The following RBBP5 variants were observed in gnomAD, a reference collection of about 807,000 sequenced individuals.
RBBP5 encodes the protein RB binding protein 5, histone lysine methyltransferase complex subunit, also known as retinoblastoma-binding protein 5.
A neutral mutation model predicts 72.2 loss-of-function variants in RBBP5; 5 were observed. That is an observed-to-expected ratio of 0.07 (90% CI 0.04 to 0.15). The LOEUF is 0.15. Ranked by LOEUF, RBBP5 falls within the 10% of genes least tolerant of loss-of-function variation. RBBP5 has a pLI of 1.00. For synonymous variants in RBBP5, 209 were observed against 237.2 expected, an observed-to-expected ratio of 0.88 and a Z score of 1.09; for missense variants, 322 against 652.2, an observed-to-expected ratio of 0.49 and a Z score of 5.51.
intron 5 of RBBP5, 28 bp from the exon 6 acceptor site, chr1:205,101,737 GT>G (rs1385041973): frequency 6.7e-7 from 1 of 1,496,436 alleles, no homozygotes; most frequent in Non-Finnish European, 9.3e-7. Flanking sequence ...GGGGAAAAAA[GT>G]AAGTGTTCCA....
intron 12 of RBBP5, 50 bp from the exon 13 acceptor site, chr1:205,095,114 C>A: frequency 6.5e-7 from 1 of 1,537,640 alleles, no homozygotes. Flanking sequence ...CCAGTCTCAT[C>A]ACCCCAACCA....
chr1:205,105,093 G>T lies in RBBP5; in HGVS notation c.294C>A (p.Gly98=). ...NIVSQWDVLS[G]DCDQRFRFPS... ...GGAATCGAAACCTCTGGTCACAGTC[G>T]CCTGAAAGAACATCCCACTGTGACA... is the stretch of plus-strand genomic sequence containing the variant. Residue 98 remains glycine, a synonymous_variant, in exon 4 of 14, where the codon GGC becomes GGA. Coordinates refer to ENST00000264515, the MANE Select transcript of RBBP5 (RefSeq NM_005057.4). 1 of 1,613,900 alleles carries T rather than the reference G, an allele frequency of 6.2e-7. No individual in the cohort carries two copies.
intron 13 of RBBP5, chr1:205,091,448 A>G (rs1030528373): frequency 6.6e-6 from 1 of 152,236 alleles, no homozygotes. Flanking sequence ...ATTCACATAG[A>G]AAAATGTCCA....
At position 205,105,098 on chromosome 1, in the gene RBBP5, A is replaced by G; in HGVS notation, c.289T>C (p.Ser97Pro). The part of the protein sequence containing the change: ...DNIVSQWDVL[S>P]GDCDQRFRFP... ...CGAAACCTCTGGTCACAGTCGCCTG[A>G]AAGAACATCCCACTGTGACACTATG... is the stretch of plus-strand genomic sequence containing the variant. The change falls in exon 4 of 14, where the codon TCA (serine) becomes CCA (proline). Residue 97 changes from serine to proline, a missense_variant. Coordinates refer to ENST00000264515, the MANE Select transcript of RBBP5 (RefSeq NM_005057.4). The G allele has an allele frequency of 6.2e-7, 1 of 1,614,044 alleles. No homozygotes were observed. Among genetic ancestry groups the G allele is most frequent in the African/African-American group, 1.3e-5 (1 of 75,050 alleles).
chr1:205,112,272 C>G (rs1025310670), intron 3 of RBBP5, among the ~76,000 whole-genome samples: 1 of 151,942 alleles, frequency 6.6e-6, no homozygotes, highest in Non-Finnish European at 1.5e-5. Context: ...GAGCCGAGAT[C>G]GCACCACTGC....
chr1:205,107,742 T>TG (rs1015582005), intron 3 of RBBP5, among the ~76,000 whole-genome samples: 5 of 151,840 alleles, frequency 3.3e-5, no homozygotes, highest in Admixed American at 6.6e-5. Flanking sequence ...GGTTGGCAGT[T>TG]GGAGACCAGC....
chr1:205,110,737 T>C (rs1239064938), intron 3 of RBBP5, among the ~76,000 whole-genome samples: 3 of 152,208 alleles, frequency 2.0e-5, no homozygotes, highest in African/African-American at 7.2e-5. Context: ...ATTTTTTACT[T>C]TGCATATTTA....
At chr1:205,109,328 T>C (rs79389422) in intron 3 of RBBP5, among the ~76,000 whole-genome samples, 1 of 152,076 alleles carries the variant, frequency 6.6e-6, no homozygotes, top group East Asian at 1.9e-4. Context: ...ACCCAATTTC[T>C]GAAATTAACA....
intron 12 of RBBP5, 89 bp from the exon 13 acceptor site, chr1:205,095,153 T>C: frequency 8.2e-7 from 1 of 1,217,576 alleles, no homozygotes; most frequent in East Asian, 2.3e-5. Flanking sequence ...AATGTTGCTT[T>C]GTGTCCCAGA....
intron 13 of RBBP5, chr1:205,091,032 AGACAG>A (rs1216888671): frequency 6.6e-6 from 1 of 152,198 alleles, no homozygotes; most frequent in African/African-American, 2.4e-5. Context: ...GCGCAGCCCA[AGACAG>A]GGAAATCTGC....
At chr1:205,108,088 C>T (rs1251288479) in intron 3 of RBBP5, among the ~76,000 whole-genome samples, 1 of 151,602 alleles carries the variant, frequency 6.6e-6, no homozygotes, top group Non-Finnish European at 1.5e-5. Context: ...ACTAAAAATA[C>T]AAAAATTAGC....
At chr1:205,098,604 G>A (rs1655703538) in intron 10 of RBBP5, among the ~76,000 whole-genome samples, 2 of 152,174 alleles carry the variant, frequency 1.3e-5, no homozygotes, top group Admixed American at 1.3e-4. Flanking sequence ...AGCACTTTGG[G>A]AGGCCAAAGT....
intron 1 of RBBP5, chr1:205,116,295 A>G (rs559226540): frequency 2.6e-6 from 1 of 379,546 alleles, no homozygotes; most frequent in African/African-American, 2.1e-5. Flanking sequence ...TTATTTCTAT[A>G]TAATATGCTT....
At chr1:205,115,964 T>G in intron 1 of RBBP5, 81 bp from the exon 2 acceptor site, 2 of 1,612,752 alleles carry the variant, frequency 1.2e-6, no homozygotes, top group Non-Finnish European at 8.5e-7. Context: ...TGTATAGCAG[T>G]GGCTGACAAA....
chr1:205,104,183 A>C (rs529947630), intron 4 of RBBP5, among the ~76,000 whole-genome samples, 164 bp from the exon 5 acceptor site: 2 of 152,232 alleles, frequency 1.3e-5, no homozygotes, highest in Non-Finnish European at 2.9e-5. Context: ...AACAGGGAAA[A>C]TTCTGAGTAA....
At chr1:205,114,479 A>T (rs893908850) in intron 3 of RBBP5, among the ~76,000 whole-genome samples, 3 of 152,238 alleles carry the variant, frequency 2.0e-5, no homozygotes, top group Non-Finnish European at 4.4e-5. Context: ...CTTCTGTCCT[A>T]ACCGAGACTT....
intron 1 of RBBP5, among the ~76,000 whole-genome samples, chr1:205,116,856 A>G (rs776242968): frequency 1.3e-5 from 2 of 152,304 alleles, no homozygotes; most frequent in East Asian, 1.9e-4. Flanking sequence ...GAGTCAATTC[A>G]TATCAGTCAA....
rs1261839067 is a variant in RBBP5 at position 205,087,901 on chromosome 1, T to A, written c.*886A>T. The A allele has an allele frequency of 6.6e-6, 1 of 152,634 alleles. No individual in the cohort carries two copies. Among genetic ancestry groups the A allele is most frequent in the East Asian group, 1.9e-4 (1 of 5,188 alleles). The allele number at this position is 152,634 out of a possible 1,614,324, so 9.5% of individuals were successfully genotyped here. On this transcript the variant is annotated 3_prime_UTR_variant, in exon 14 of 14. Transcript: ENST00000264515. ...TTGATCTTTGATTTGAACTATGTGG[T>A]TGCTGCTTTGATTCTGGATGGTTTT...
chr1:205,106,634 A>G (rs1338226469), intron 3 of RBBP5, among the ~76,000 whole-genome samples: 2 of 152,180 alleles, frequency 1.3e-5, no homozygotes, highest in African/African-American at 4.8e-5. Context: ...CTACAGTCTC[A>G]TAATACCCAA....
Sources: allele counts gnomAD v4.1 joint callset (sites outside exome capture counted in the v4.1 genomes callset), GRCh38; gene constraint gnomAD v4.1.1; transcripts MANE v1.5; gene names NCBI Gene and HGNC (gene_info 2026-07-23, HGNC 2026-07-21).